CSMD1: variants seen among roughly 807,000 people sequenced by gnomAD.
The protein encoded by CSMD1 is CUB and Sushi multiple domains 1.
CSMD1 carries 213 observed loss-of-function variants against 417.5 expected under a neutral mutation model. The observed-to-expected ratio is 0.51, with a 90% confidence interval of 0.46 to 0.57. CSMD1 has a LOEUF of 0.57. Among genes scored for constraint, CSMD1 ranks in the 20% least tolerant of loss-of-function variants. The pLI is 0.00. For missense variants in CSMD1, 6,923 were observed against 4,529.7 expected (o/e 1.53, Z -15.17); for synonymous variants, 2,862 against 1,736.8 (o/e 1.65, Z -16.11).
intron 1 of CSMD1, among the ~76,000 whole-genome samples, chr8:4,924,294 C>T (rs1806702877): frequency 6.6e-6 from 1 of 152,192 alleles, no homozygotes; most frequent in Non-Finnish European, 1.5e-5. Flanking sequence ...AAGATATTTT[C>T]ATCCCAGTAT....
At chr8:3,219,507 C>G (rs551582571) in intron 28 of CSMD1, 65 bp from the exon 29 acceptor site, 14 of 1,158,770 alleles carry the variant, frequency 1.2e-5, no homozygotes, top group African/African-American at 6.4e-5. Flanking sequence ...GAGTGGTAAG[C>G]CTTTGAGCTC....
intron 5 of CSMD1, among the ~76,000 whole-genome samples, chr8:3,765,168 T>A (rs548093206): frequency 6.6e-6 from 1 of 152,328 alleles, no homozygotes; most frequent in South Asian, 2.1e-4. Context: ...TCATTTCTTA[T>A]CACGCCCTTT....
At chr8:3,785,869 G>C (rs561698559) in intron 5 of CSMD1, among the ~76,000 whole-genome samples, 2 of 152,184 alleles carry the variant, frequency 1.3e-5, no homozygotes, top group Non-Finnish European at 2.9e-5. Context: ...ATTAAAGAGG[G>C]ATATGTCATG....
intron 1 of CSMD1, among the ~76,000 whole-genome samples, chr8:4,866,838 A>G (rs1434576074): frequency 6.6e-6 from 1 of 152,054 alleles, no homozygotes; most frequent in Non-Finnish European, 1.5e-5. Context: ...ATGATTTTTA[A>G]AAATTATAAC....
intron 1 of CSMD1, among the ~76,000 whole-genome samples, chr8:4,738,884 T>C (rs74322542): frequency 0.011 from 1,627 of 152,252 alleles, 31 homozygotes; most frequent in African/African-American, 0.037. Context: ...TCATCTATTA[T>C]ACTTAAAATT....
At chr8:3,804,920 G>T (rs936938990) in intron 5 of CSMD1, among the ~76,000 whole-genome samples, 1 of 152,146 alleles carries the variant, frequency 6.6e-6, no homozygotes, top group Non-Finnish European at 1.5e-5. Context: ...AGAGTTTCAG[G>T]TTAGTAGCAC....
intron 22 of CSMD1, among the ~76,000 whole-genome samples, chr8:3,343,703 CTCTT>C (rs1225221242): frequency 5.3e-5 from 8 of 152,128 alleles, no homozygotes; most frequent in African/African-American, 1.7e-4. Context: ...ACTTTAAGAG[CTCTT>C]TCTGTGTTCA....
chr8:4,792,524 T>G (rs1301492018), intron 1 of CSMD1, among the ~76,000 whole-genome samples: 3 of 152,190 alleles, frequency 2.0e-5, no homozygotes, highest in Non-Finnish European at 2.9e-5. Context: ...TGTCTGTGCT[T>G]TGGGTGATCA....
intron 49 of CSMD1, among the ~76,000 whole-genome samples, chr8:3,071,372 G>C (rs972558401): frequency 4.6e-5 from 7 of 152,102 alleles, no homozygotes; most frequent in Admixed American, 2.6e-4. Context: ...GCAAGAGGAG[G>C]GAGAGCATTA....
chr8:4,653,378 C>G (rs777160808), intron 1 of CSMD1, among the ~76,000 whole-genome samples: 52 of 152,046 alleles, frequency 3.4e-4, no homozygotes, highest in Admixed American at 1.4e-3. Context: ...GCAGTAGAAA[C>G]ATTTTTTTGT....
chr8:4,886,552 G>T (rs1034116870), intron 1 of CSMD1, among the ~76,000 whole-genome samples: 1 of 151,680 alleles, frequency 6.6e-6, no homozygotes, highest in African/African-American at 2.4e-5. Flanking sequence ...TTTATTTTTT[G>T]AAAGTGTGGA....
intron 10 of CSMD1, among the ~76,000 whole-genome samples, chr8:3,511,757 A>G (rs1360779942): frequency 2.0e-5 from 1 of 48,856 alleles, no homozygotes; most frequent in East Asian, 4.4e-4. Flanking sequence ...CTCCATCTCT[A>G]AAAAAATAAC....
chr8:3,166,279 C>T (rs998946009), intron 37 of CSMD1, among the ~76,000 whole-genome samples: 2 of 152,064 alleles, frequency 1.3e-5, no homozygotes, highest in Admixed American at 6.6e-5. Context: ...GCCTGTAATC[C>T]AGGCACTTTG....
rs1801394028 is a variant in CSMD1, at chr8:3,602,156, T to C, written c.1097+14554A>G. 3.3e-5 allele frequency among the ~76,000 whole-genome samples: 5 copies of C among 152,344 alleles called. No individual in the cohort carries two copies. The South Asian group carries it at 1.0e-3, about 32-fold the overall frequency. On this transcript the variant is annotated intron_variant, in intron 8 of 69. Transcript: ENST00000635120. Reference sequence around the variant, plus strand: ...TCAGGATGCTAAATTCTATATTATGTGGATTTTATCACAATTAAACATTCT... The same window carrying C: ...TCAGGATGCTAAATTCTATATTATGCGGATTTTATCACAATTAAACATTCT...
At chr8:3,074,544 A>C (rs1441840353) in intron 49 of CSMD1, among the ~76,000 whole-genome samples, 1 of 152,234 alleles carries the variant, frequency 6.6e-6, no homozygotes, top group Non-Finnish European at 1.5e-5. Context: ...CCCGAAGATC[A>C]GTTTGACAAG....
intron 54 of CSMD1, among the ~76,000 whole-genome samples, chr8:2,979,891 C>T (rs751707362): frequency 8.2e-4 from 125 of 152,294 alleles, no homozygotes; most frequent in African/African-American, 2.7e-3. Context: ...CATGTACATG[C>T]CCCTACAGGG....
chr8:4,100,353 G>A (rs62501315), intron 3 of CSMD1, among the ~76,000 whole-genome samples: 173 of 152,198 alleles, frequency 1.1e-3, no homozygotes, highest in Non-Finnish European at 1.8e-3. Context: ...CTAGATTCTG[G>A]CAGCATTCCT....
At chr8:3,144,422 T>C (rs1384820391) in intron 40 of CSMD1, among the ~76,000 whole-genome samples, 1 of 152,106 alleles carries the variant, frequency 6.6e-6, no homozygotes, top group Non-Finnish European at 1.5e-5. Flanking sequence ...CTGCAGGATG[T>C]GGCTGAGGAG....
chr8:4,516,290 C>T (rs1378145677), intron 2 of CSMD1, among the ~76,000 whole-genome samples: 2 of 152,178 alleles, frequency 1.3e-5, no homozygotes, highest in East Asian at 3.9e-4. Context: ...ACCAACCCCA[C>T]TGACACCGTG....
Sources: allele counts gnomAD v4.1 joint callset (sites outside exome capture counted in the v4.1 genomes callset), GRCh38; gene constraint gnomAD v4.1.1; transcripts MANE v1.5; gene names NCBI Gene and HGNC (gene_info 2026-07-23, HGNC 2026-07-21).